The following CCDC7 variants were observed in gnomAD, a reference collection of about 807,000 sequenced individuals.
The protein encoded by CCDC7 is coiled-coil domain containing 7, also known as coiled-coil domain-containing protein 7.
Under a neutral mutation model 196.9 loss-of-function variants are expected in CCDC7, and 183 were observed. The ratio of observed to expected loss-of-function variants is 0.93; its 90% CI spans 0.82 to 1.05. CCDC7 has a LOEUF of 1.05. Ranked by LOEUF, CCDC7 falls within the 50% of genes least tolerant of loss-of-function variation. CCDC7 has a pLI of 0.00. For synonymous variants in CCDC7, 525 were observed against 484.6 expected, an observed-to-expected ratio of 1.08 and a Z score of -1.10; for missense variants, 1,540 against 1,482.2, an observed-to-expected ratio of 1.04 and a Z score of -0.64.
intron 20 of CCDC7, among the ~76,000 whole-genome samples, chr10:32,653,215 C>G (rs1360638384): frequency 6.6e-6 from 1 of 152,120 alleles, no homozygotes; most frequent in Non-Finnish European, 1.5e-5. Flanking sequence ...GTATAGGACT[C>G]AGGTTCCTCT....
At chr10:32,716,379 A>G (rs551837011) in intron 25 of CCDC7, among the ~76,000 whole-genome samples, 1 of 152,362 alleles carries the variant, frequency 6.6e-6, no homozygotes, top group Admixed American at 6.5e-5. Flanking sequence ...GGCCTGCCTT[A>G]CAAGAGCTCC....
Position 32,482,170 on chromosome 10 carries a change from CTTTA to C in CCDC7, c.796+8155_796+8158del, listed in dbSNP as rs1366581486. Among the ~76,000 whole-genome samples, 7 of 145,920 alleles carry C rather than the reference CTTTA, an allele frequency of 4.8e-5. No homozygotes were observed. The East Asian group carries it at 1.2e-3, about 24-fold the overall frequency. ...GATGCTGTCCCATAAATCCTGTAGG[CTTTA>C]TTTATTTTATTTTTCAGAATTAAAA... is the stretch of plus-strand genomic sequence containing the variant. On this transcript the variant is annotated intron_variant, in intron 8 of 41. Coordinates refer to ENST00000639629, the Ensembl canonical transcript of CCDC7.
chr10:32,471,595 T>C (rs560215976), intron 6 of CCDC7, among the ~76,000 whole-genome samples: 7 of 152,302 alleles, frequency 4.6e-5, no homozygotes, highest in African/African-American at 1.7e-4. Flanking sequence ...CTCCTAGTAA[T>C]AAATAGGAAA....
intron 31 of CCDC7, among the ~76,000 whole-genome samples, chr10:32,821,513 G>A (rs901997510): frequency 2.0e-5 from 3 of 152,118 alleles, no homozygotes; most frequent in Non-Finnish European, 4.4e-5. Flanking sequence ...ACATGCACGC[G>A]TATGTTTATT....
intron 8 of CCDC7, among the ~76,000 whole-genome samples, chr10:32,485,427 G>A (rs1349661556): frequency 1.3e-5 from 2 of 151,930 alleles, no homozygotes; most frequent in Non-Finnish European, 2.9e-5. Context: ...CAATTTTGTT[G>A]ATCTTTTCAA....
intron 21 of CCDC7, 91 bp downstream of exon 22, chr10:32,664,252 A>G (rs1039854523): frequency 1.1e-5 from 4 of 375,266 alleles, no homozygotes; most frequent in Admixed American, 4.5e-5. Context: ...CATGTACTAC[A>G]TAGTGTTTTA....
At chr10:32,851,816 A>T (rs747268955) in exon 40 of CCDC7, 1 of 1,609,488 alleles carries the variant, frequency 6.2e-7, no homozygotes, top group African/African-American at 1.3e-5. Context: ...GAGGAAACTT[A>T]TGAGTACTCT....
chr10:32,735,020 T>A (rs562065166), intron 28 of CCDC7, among the ~76,000 whole-genome samples: 166 of 152,320 alleles, frequency 1.1e-3, no homozygotes, highest in African/African-American at 3.8e-3. Flanking sequence ...TTTCTTGTGA[T>A]AAGTATTTAC....
intron 18 of CCDC7, among the ~76,000 whole-genome samples, chr10:32,630,054 G>A (rs2064634305): frequency 6.6e-6 from 1 of 152,170 alleles, no homozygotes; most frequent in African/African-American, 2.4e-5. Context: ...CTTGTTAGAA[G>A]CCAGAACTGC....
intron 3 of CCDC7, among the ~76,000 whole-genome samples, chr10:32,458,904 TCTTC>T (rs2034976397): frequency 6.6e-6 from 1 of 152,238 alleles, no homozygotes; most frequent in South Asian, 2.1e-4. Context: ...TAATATTAAT[TCTTC>T]TAATCCACAA....
intron 20 of CCDC7, among the ~76,000 whole-genome samples, chr10:32,659,802 A>G (rs1394411909): frequency 6.6e-6 from 1 of 152,230 alleles, no homozygotes; most frequent in Non-Finnish European, 1.5e-5. Context: ...CAGAATGGCT[A>G]TTACTAAAAA....
At chr10:32,676,126 C>T (rs543475566) in intron 21 of CCDC7, among the ~76,000 whole-genome samples, 2 of 143,184 alleles carry the variant, frequency 1.4e-5, no homozygotes, top group African/African-American at 5.2e-5. Flanking sequence ...GAAAAACAAG[C>T]AATGGGGAAA....
chr10:32,498,014 T>G (rs554289097), intron 9 of CCDC7, among the ~76,000 whole-genome samples: 36 of 152,274 alleles, frequency 2.4e-4, no homozygotes, highest in African/African-American at 8.4e-4. Context: ...CCCACAATAA[T>G]TGTGTGGGAG....
intron 25 of CCDC7, among the ~76,000 whole-genome samples, chr10:32,721,354 C>G (rs922919756): frequency 2.6e-5 from 4 of 152,130 alleles, no homozygotes; most frequent in Non-Finnish European, 5.9e-5. Flanking sequence ...CAGTGTCTTT[C>G]TGCCGTAGGC....
intron 25 of CCDC7, among the ~76,000 whole-genome samples, chr10:32,717,102 C>T (rs1291859482): frequency 6.6e-6 from 1 of 152,204 alleles, no homozygotes; most frequent in Non-Finnish European, 1.5e-5. Flanking sequence ...CCACGTCGCA[C>T]TTATTCTAAA....
At chr10:32,803,142 A>G (rs1007972548) in intron 29 of CCDC7, among the ~76,000 whole-genome samples, 2 of 152,220 alleles carry the variant, frequency 1.3e-5, no homozygotes, top group Non-Finnish European at 2.9e-5. Context: ...GTGATCTTCC[A>G]TGTGCCAATG....
chr10:32,858,795 TA>T (rs1414191265), intron 41 of CCDC7, among the ~76,000 whole-genome samples: 3 of 152,064 alleles, frequency 2.0e-5, no homozygotes, highest in Middle Eastern at 3.4e-3. Context: ...AAACAGACTT[TA>T]AACCAACAAA....
chr10:32,486,687 A>AT (rs1460198814), intron 8 of CCDC7, among the ~76,000 whole-genome samples: 1 of 106,682 alleles, frequency 9.4e-6, no homozygotes. Flanking sequence ...GGCAGGCCTG[A>AT]TGGTGACAAA....
intron 21 of CCDC7, among the ~76,000 whole-genome samples, chr10:32,667,797 T>A (rs189245865): frequency 1.6e-4 from 24 of 152,172 alleles, no homozygotes; most frequent in African/African-American, 5.8e-4. Context: ...TGAAGTCAGG[T>A]AGCGTGATGC....
Sources: allele counts gnomAD v4.1 joint callset (sites outside exome capture counted in the v4.1 genomes callset), GRCh38; gene constraint gnomAD v4.1.1; transcripts MANE v1.5; gene names NCBI Gene and HGNC (gene_info 2026-07-23, HGNC 2026-07-21).